QTGAL: variants seen among roughly 807,000 people sequenced by gnomAD.
The protein encoded by QTGAL is BGnT-like protein 1.
At chr17:83,040,480 GTGA>G in the QTGAL span, among the ~76,000 whole-genome samples, 1 of 152,080 alleles carries the variant, frequency 6.6e-6, no homozygotes, top group South Asian at 2.1e-4. Flanking sequence ...AAAACAGAGG[GTGA>G]ATGAAGAAAC....
At chr17:83,017,126 T>C in the QTGAL span, among the ~76,000 whole-genome samples, 4 of 151,768 alleles carry the variant, frequency 2.6e-5, no homozygotes, top group Admixed American at 6.6e-5. Flanking sequence ...TTGCCACCCA[T>C]GTGTGGGAGC....
the QTGAL span, among the ~76,000 whole-genome samples, chr17:82,965,947 C>T: frequency 1.3e-5 from 2 of 152,216 alleles, no homozygotes; most frequent in East Asian, 3.9e-4. Flanking sequence ...GGCTTCATGA[C>T]GTGGCTGACG....
the QTGAL span, among the ~76,000 whole-genome samples, chr17:82,959,698 C>CG: frequency 6.6e-6 from 1 of 151,540 alleles, no homozygotes; most frequent in Non-Finnish European, 1.5e-5. Context: ...CAGAAGAAAG[C>CG]GGGGGGCCTC....
the QTGAL span, among the ~76,000 whole-genome samples, chr17:82,952,292 G>A: frequency 1.1e-3 from 173 of 152,276 alleles, 3 homozygotes; most frequent in Non-Finnish European, 5.9e-5. Context: ...AGGTGCCCAT[G>A]TCTGTGTGTC....
chr17:83,016,617 G>A, the QTGAL span, among the ~76,000 whole-genome samples: 1 of 147,042 alleles, frequency 6.8e-6, no homozygotes, highest in Non-Finnish European at 1.5e-5. Flanking sequence ...AGAGGAGGGG[G>A]GAGGAGGGAG....
the QTGAL span, among the ~76,000 whole-genome samples, chr17:83,045,048 A>G: frequency 6.6e-6 from 1 of 152,254 alleles, no homozygotes; most frequent in Non-Finnish European, 1.5e-5. Flanking sequence ...AAAACCCACA[A>G]AGAACAAACT....
chr17:82,974,026 T>C, the QTGAL span, among the ~76,000 whole-genome samples: 2 of 152,042 alleles, frequency 1.3e-5, no homozygotes, highest in East Asian at 3.9e-4. Flanking sequence ...GTCGAGAGGG[T>C]GTCGTGGACC....
the QTGAL span, among the ~76,000 whole-genome samples, chr17:82,985,600 C>T: frequency 6.6e-6 from 1 of 152,200 alleles, no homozygotes; most frequent in Admixed American, 6.5e-5. Flanking sequence ...TCACGTGACT[C>T]CTGCTACCCA....
chr17:82,951,132 G>A, the QTGAL span, among the ~76,000 whole-genome samples: 2 of 152,214 alleles, frequency 1.3e-5, no homozygotes, highest in African/African-American at 4.8e-5. Flanking sequence ...ACGGCAAAGA[G>A]TCAGACTGTC....
chr17:83,012,283 C>T, the QTGAL span, among the ~76,000 whole-genome samples: 10 of 149,752 alleles, frequency 6.7e-5, no homozygotes, highest in East Asian at 2.0e-4. Context: ...ACGAACTCCT[C>T]GTATCCATAA....
chr17:82,967,805 C>T, the QTGAL span, among the ~76,000 whole-genome samples: 55 of 151,936 alleles, frequency 3.6e-4, no homozygotes, highest in Non-Finnish European at 1.3e-4. Context: ...CATGGTGATG[C>T]TCCCCTGTAG....
chr17:82,964,214 C>T, the QTGAL span, among the ~76,000 whole-genome samples: 1 of 137,128 alleles, frequency 7.3e-6, no homozygotes, highest in African/African-American at 2.8e-5. Context: ...AGTGAGTGAG[C>T]CACTGCACTC....
At chr17:83,032,826 C>G in the QTGAL span, among the ~76,000 whole-genome samples, 752 of 152,326 alleles carry the variant, frequency 4.9e-3, 2 homozygotes, top group East Asian at 0.027. Context: ...GCTGGTGCCG[C>G]CCTGGGGGTT....
At chr17:82,942,182 A>AG in the QTGAL span, 1 of 550,704 alleles carries the variant, frequency 1.8e-6, no homozygotes, top group Non-Finnish European at 3.2e-6. Context: ...ATTAGGAAAA[A>AG]TTTCAAACGT....
the QTGAL span, among the ~76,000 whole-genome samples, chr17:82,990,289 T>C: frequency 2.0e-5 from 3 of 152,252 alleles, no homozygotes. Context: ...TCAGTCACTT[T>C]GCTGGTTTCT....
At chr17:83,013,414 C>T in the QTGAL span, among the ~76,000 whole-genome samples, 1 of 122,648 alleles carries the variant, frequency 8.2e-6, no homozygotes, top group East Asian at 3.2e-4. Flanking sequence ...ATGCTGCCCC[C>T]CCAAACCCCC....
At chr17:83,049,255 AAAAAC>A in the QTGAL span, 140 of 154,668 alleles carry the variant, frequency 9.1e-4, no homozygotes, top group African/African-American at 3.2e-3. Flanking sequence ...TCTGTCTCAA[AAAAAC>A]AAAACAAAAC....
At chr17:82,961,389 A>AAAGG in the QTGAL span, 1 of 172,422 alleles carries the variant, frequency 5.8e-6, no homozygotes, top group Non-Finnish European at 1.1e-5. Flanking sequence ...GGCGGGAAAG[A>AAAGG]GGGGAAGGGA....
the QTGAL span, among the ~76,000 whole-genome samples, chr17:83,041,079 A>AT: frequency 1.2e-4 from 15 of 129,344 alleles, 1 homozygote; most frequent in Middle Eastern, 4.1e-3. Flanking sequence ...AAAAAAAAAA[A>AT]AAAATGGCTG....
Sources: gnomAD v4.1 joint callset for allele counts (sites outside exome capture counted in the v4.1 genomes callset) on GRCh38, gnomAD v4.1.1 for gene constraint, MANE v1.5 for transcripts, NCBI Gene and HGNC (gene_info 2026-07-23, HGNC 2026-07-21) for gene names.